The following PTPRN2 variants were observed in gnomAD, a reference collection of about 807,000 sequenced individuals.
PTPRN2 encodes the protein protein tyrosine phosphatase receptor type N2, also known as receptor-type tyrosine-protein phosphatase N2.
A neutral mutation model predicts 118.8 loss-of-function variants in PTPRN2; 74 were observed. That is an observed-to-expected ratio of 0.62 (90% CI 0.52 to 0.76). PTPRN2 has a LOEUF of 0.76. PTPRN2 is among the 30% of genes least tolerant of loss of function. PTPRN2 has a pLI of 0.00. For synonymous variants in PTPRN2, 641 were observed against 608.0 expected (o/e 1.05, Z -0.80); for missense variants, 1,481 against 1,394.4 (o/e 1.06, Z -0.99).
intron 3 of PTPRN2, among the ~76,000 whole-genome samples, chr7:158,258,646 AG>A (rs1249322752): frequency 6.6e-6 from 1 of 152,160 alleles, no homozygotes; most frequent in Non-Finnish European, 1.5e-5. Context: ...CAGAGGTTTC[AG>A]GGCCTTCCCT....
At chr7:158,587,254 C>T (rs1488425310) in intron 1 of PTPRN2, among the ~76,000 whole-genome samples, 23 of 120,438 alleles carry the variant, frequency 1.9e-4, no homozygotes, top group African/African-American at 7.2e-4. Flanking sequence ...CCTCCCCCCA[C>T]GCCCCCCTCT....
chr7:158,329,723 G>A (rs112363467), intron 2 of PTPRN2, among the ~76,000 whole-genome samples: 144 of 152,298 alleles, frequency 9.5e-4, no homozygotes, highest in African/African-American at 3.3e-3. Context: ...GACGCCATGT[G>A]GAAATTAAGG....
chr7:157,720,677 C>T (rs112550298), intron 12 of PTPRN2, among the ~76,000 whole-genome samples: 12 of 152,332 alleles, frequency 7.9e-5, no homozygotes, highest in Admixed American at 3.3e-4. Flanking sequence ...CTCCATCAAG[C>T]GCTTTCTGGG....
At chr7:157,718,303 C>G (rs1799032349) in intron 12 of PTPRN2, among the ~76,000 whole-genome samples, 1 of 152,212 alleles carries the variant, frequency 6.6e-6, no homozygotes, top group South Asian at 2.1e-4. Flanking sequence ...AATTCATGTT[C>G]TCTGCTTTCA....
chr7:157,978,616 G>A (rs1220432943), intron 11 of PTPRN2, among the ~76,000 whole-genome samples: 2 of 151,974 alleles, frequency 1.3e-5, no homozygotes, highest in Non-Finnish European at 2.9e-5. Flanking sequence ...CATGAAAGCA[G>A]AAGCCAGAAC....
At chr7:158,071,712 C>CTGGTGGTGGAGATGCTCG (rs1811801369) in intron 11 of PTPRN2, among the ~76,000 whole-genome samples, 1 of 47,214 alleles carries the variant, frequency 2.1e-5, no homozygotes, top group African/African-American at 1.5e-4. Flanking sequence ...GGAGGTGCTC[C>CTGGTGGTGGAGATGCTCG]TGGTGGTGGA....
At chr7:158,394,010 T>C (rs1443477717) in intron 2 of PTPRN2, among the ~76,000 whole-genome samples, 2 of 151,280 alleles carry the variant, frequency 1.3e-5, no homozygotes, top group Non-Finnish European at 2.9e-5. Context: ...TGGGTAACAA[T>C]GTCCCACCCC....
chr7:158,010,092 G>A (rs758234667), intron 11 of PTPRN2, among the ~76,000 whole-genome samples: 62 of 152,296 alleles, frequency 4.1e-4, no homozygotes, highest in Admixed American at 7.2e-4. Context: ...CTGTCCTTGT[G>A]GAGGAGGCAG....
chr7:157,652,892 C>T (rs77760840), intron 14 of PTPRN2, among the ~76,000 whole-genome samples: 6,722 of 152,308 alleles, frequency 0.044, 244 homozygotes, highest in South Asian at 0.13. Flanking sequence ...GTCTCCAGCA[C>T]GGAATCCCAG....
intron 12 of PTPRN2, among the ~76,000 whole-genome samples, chr7:157,834,771 A>G (rs1807819108): frequency 6.6e-6 from 1 of 152,174 alleles, no homozygotes; most frequent in African/African-American, 2.4e-5. Context: ...GGGTGTGGGG[A>G]CCCACCTTAG....
intron 2 of PTPRN2, among the ~76,000 whole-genome samples, chr7:158,474,524 T>G (rs1315360019): frequency 6.6e-6 from 1 of 152,186 alleles, no homozygotes; most frequent in Admixed American, 6.5e-5. Flanking sequence ...AAGAGCATCT[T>G]AGTAAATGCT....
Position 157,893,808 on chromosome 7 carries a change from C to T in PTPRN2, c.1788+4865G>A, listed in dbSNP as rs1796946139. Among the ~76,000 whole-genome samples, 1 of 152,174 alleles carries T rather than the reference C, an allele frequency of 6.6e-6. No homozygotes were observed. The highest frequency in any genetic ancestry group is 1.9e-4 in the East Asian group (1 of 5,180). The stretch of plus-strand genomic sequence containing the variant: ...GCCCAGGTGAGTTCCCCACAGGAGA[C>T]AGCACCGGCAGAAAGGAGGAGGGAG... On this transcript the variant is annotated intron_variant, in intron 12 of 22. Coordinates refer to ENST00000389418, the MANE Select transcript of PTPRN2 (RefSeq NM_002847.5). The surrounding 1 kb of genome is among the most constrained non-coding windows in gnomAD (Gnocchi z 4.0).
chr7:158,022,682 C>T lies in PTPRN2; in HGVS notation c.1723+58616G>A, dbSNP rs118117935. On this transcript the variant is annotated intron_variant, in intron 11 of 22. Transcript: ENST00000389418. The surrounding 1 kb of genome is among the most constrained non-coding windows in gnomAD (Gnocchi z 4.6). ...GCCAAGGCCCAGGCACCTGGGCACT[C>T]TGTCTGGGGCAGCCTCTGGCTTTTA... is the stretch of plus-strand genomic sequence containing the variant. Among the ~76,000 whole-genome samples, 2,028 of 146,430 alleles carry T rather than the reference C, an allele frequency of 0.014. 104 individuals carry two copies. Among genetic ancestry groups the T allele is most frequent in the Middle Eastern group, 0.019 (5 of 270 alleles).
chr7:158,078,369 T>C (rs1029797525), intron 11 of PTPRN2, among the ~76,000 whole-genome samples: 1 of 152,182 alleles, frequency 6.6e-6, no homozygotes, highest in Non-Finnish European at 1.5e-5. Context: ...GCACTCCCAG[T>C]AATTTCAACA....
chr7:158,288,696 A>G (rs2151016478), intron 3 of PTPRN2, among the ~76,000 whole-genome samples: 1 of 152,352 alleles, frequency 6.6e-6, no homozygotes, highest in Admixed American at 6.5e-5. Context: ...TTCATGCTAA[A>G]GACTTAAGTG....
chr7:158,299,042 G>C (rs1454769091), intron 3 of PTPRN2, among the ~76,000 whole-genome samples: 1 of 152,156 alleles, frequency 6.6e-6, no homozygotes, highest in African/African-American at 2.4e-5. Flanking sequence ...GGATGTTCAT[G>C]ACCTCCCTGC....
At chr7:158,341,446 G>GCCGACGCTC (rs1806760686) in intron 2 of PTPRN2, among the ~76,000 whole-genome samples, 4 of 142,770 alleles carry the variant, frequency 2.8e-5, no homozygotes, top group African/African-American at 1.1e-4. Context: ...CACCATAAGA[G>GCCGACGCTC]GTAACACCTT....
At chr7:158,499,660 AC>A (rs552371602) in intron 1 of PTPRN2, among the ~76,000 whole-genome samples, 222 of 152,266 alleles carry the variant, frequency 1.5e-3, no homozygotes, top group African/African-American at 5.0e-3. Context: ...AATCCCAGCT[AC>A]TTGGGAGGCT....
chr7:158,070,609 CCTG>C (rs1221858618), intron 11 of PTPRN2, among the ~76,000 whole-genome samples: 3 of 76,216 alleles, frequency 3.9e-5, no homozygotes, highest in Non-Finnish European at 7.2e-5. Flanking sequence ...TGGAGGTGCT[CCTG>C]GTGGTGGAGG....
Sources: gnomAD v4.1 joint callset for allele counts (sites outside exome capture counted in the v4.1 genomes callset) on GRCh38, gnomAD v4.1.1 for gene constraint, Gnocchi (gnomAD v3.1) non-coding constraint, MANE v1.5 for transcripts, NCBI Gene and HGNC (gene_info 2026-07-23, HGNC 2026-07-21) for gene names.